The following WNT5B variants were observed in gnomAD, a reference collection of about 807,000 sequenced individuals.
WNT5B encodes Wnt family member 5B, also known as protein Wnt-5b.
WNT5B carries 18 observed loss-of-function variants against 36.5 expected under a neutral mutation model. The observed-to-expected ratio is 0.49, with a 90% CI of 0.34 to 0.73. WNT5B has a LOEUF of 0.73. Ranked by LOEUF, WNT5B falls within the 30% of genes least tolerant of loss-of-function variation. WNT5B has a pLI of 0.01. For missense variants in WNT5B, 424 were observed against 508.4 expected (o/e 0.83, Z 1.60); for synonymous variants, 213 against 212.3 (o/e 1.00, Z -0.03).
upstream of WNT5B, among the ~76,000 whole-genome samples, chr12:1,627,227 C>G (rs2094542513): frequency 6.6e-6 from 1 of 152,174 alleles, no homozygotes; most frequent in African/African-American, 2.4e-5. The surrounding 1 kb of genome is among the most constrained non-coding windows in gnomAD (Gnocchi z 5.0). Context: ...TGCTCAGCAC[C>G]CTTGAAGAGG....
chr12:1,634,670 C>T (rs1376682978), intron 3 of WNT5B, among the ~76,000 whole-genome samples: 1 of 152,178 alleles, frequency 6.6e-6, no homozygotes, highest in African/African-American at 2.4e-5. Flanking sequence ...GCTGTCCTCC[C>T]TTCCTCCCCC....
intron 1 of WNT5B, among the ~76,000 whole-genome samples, chr12:1,617,424 C>A (rs2094528386): frequency 6.6e-6 from 1 of 151,758 alleles, no homozygotes; most frequent in Non-Finnish European, 1.5e-5. Context: ...TGCTTGAGCC[C>A]AGGAGTTCAA....
chr12:1,623,452 C>T (rs1266669275), intron 1 of WNT5B, among the ~76,000 whole-genome samples: 2 of 151,958 alleles, frequency 1.3e-5, no homozygotes. Flanking sequence ...GCCTCGGCCT[C>T]CCAAAGTGCT....
At chr12:1,631,536 C>T in intron 2 of WNT5B, 102 bp downstream of exon 2, 1 of 1,563,708 alleles carries the variant, frequency 6.4e-7, no homozygotes, top group Non-Finnish European at 8.7e-7. Context: ...TACCTTGATT[C>T]CTGGGAGTAC....
At chr12:1,631,126 C>T in intron 1 of WNT5B, 172 bp from the exon 2 acceptor site, 1 of 490,260 alleles carries the variant, frequency 2.0e-6, no homozygotes. Flanking sequence ...GACAGAAGTC[C>T]TAGGGTGGGA....
intron 1 of WNT5B, among the ~76,000 whole-genome samples, chr12:1,619,482 G>A (rs879483039): frequency 1.2e-4 from 18 of 152,166 alleles, no homozygotes; most frequent in Non-Finnish European, 1.5e-4. Flanking sequence ...ATGAGCATCC[G>A]GGGATTCTCG....
chr12:1,619,113 TCCCACCAAGCCCC>T (rs2094530538), intron 1 of WNT5B, among the ~76,000 whole-genome samples: 3 of 70,918 alleles, frequency 4.2e-5, no homozygotes, highest in Non-Finnish European at 8.8e-5. Context: ...CCCCAGCCCC[TCCCACCAAGCCCC>T]CAGCCCCTCC....
intron 1 of WNT5B, among the ~76,000 whole-genome samples, chr12:1,622,563 A>C (rs1170374090): frequency 1.3e-5 from 2 of 152,184 alleles, no homozygotes; most frequent in Non-Finnish European, 2.9e-5. Context: ...CCTCACAGCA[A>C]ATGGACCAAG....
At chr12:1,623,370 T>C (rs981831193) in intron 1 of WNT5B, among the ~76,000 whole-genome samples, 60 of 151,218 alleles carry the variant, frequency 4.0e-4, no homozygotes, top group African/African-American at 1.4e-3. Context: ...TAATTTTTTG[T>C]ATTTTTAGTA....
intron 3 of WNT5B, among the ~76,000 whole-genome samples, chr12:1,636,695 C>T (rs1183375916): frequency 2.7e-5 from 4 of 150,576 alleles, no homozygotes; most frequent in African/African-American, 9.8e-5. Context: ...CACATGCTAC[C>T]ATGCCCAGTT....
rs1227168538 is a variant in WNT5B, at chr12:1,639,620, G to A, written c.329-64G>A. ...CGTGCGGGTCCGTCGGGGGAGACGG[G>A]GGGAAGGACAGGTCCCCGGGAGAGG... is the stretch of plus-strand genomic sequence containing the variant. On this transcript the variant is annotated intron_variant, in intron 3 of 4. Coordinates refer to ENST00000397196, the MANE Select transcript of WNT5B (RefSeq NM_032642.3). The A allele has an allele frequency of 2.8e-6, 4 of 1,428,410 alleles. No homozygotes were observed. The East Asian group carries it at 1.1e-4, about 38-fold the overall frequency. The allele number at this position is 1,428,410 out of a possible 1,614,324, so 88.5% of individuals were successfully genotyped here. A position where few individuals can be genotyped will look rare whatever the true frequency, so the allele number is the denominator to read the frequency against.
rs754605570 is a variant in WNT5B at position 1,639,991 on chromosome 12, C to T, written c.621+15C>T. The stretch of plus-strand genomic sequence containing the variant: ...CCGGTCGCAGGGTAAGCTGGGCCTC[C>T]CCGGCCTCCCCAGCACTGCAGACCT... On this transcript the variant is annotated intron_variant, in intron 4 of 4. Coordinates refer to ENST00000397196, the MANE Select transcript of WNT5B (RefSeq NM_032642.3). The T allele has an allele frequency of 6.2e-6, 10 of 1,601,908 alleles. No homozygotes were observed. The Admixed American group carries it at 1.4e-4, about 22-fold the overall frequency.
Position 1,632,251 on chromosome 12 carries a change from G to T in WNT5B, c.81-407G>T, listed in dbSNP as rs955698582. On this transcript the variant is annotated intron_variant, in intron 2 of 4. Transcript: ENST00000397196. The surrounding 1 kb of genome is among the most constrained non-coding windows in gnomAD (Gnocchi z 5.8). The stretch of plus-strand genomic sequence containing the variant: ...AATGAGGCCTGTGCTCTCCTGTTGA[G>T]GTTTGGCTCTTTTTGCCCTCTATTA... Among the ~76,000 whole-genome samples, 2 of 152,170 alleles carry T rather than the reference G, an allele frequency of 1.3e-5. No homozygotes were observed. The highest frequency in any genetic ancestry group is 4.8e-5 in the African/African-American group (2 of 41,442).
chr12:1,629,773 CCTT>C (rs2094546601), intron 1 of WNT5B: 2 of 150,588 alleles, frequency 1.3e-5, no homozygotes, highest in African/African-American at 2.5e-5. Flanking sequence ...CATTCACAGA[CCTT>C]CTGCCCCGGG....
intron 3 of WNT5B, among the ~76,000 whole-genome samples, chr12:1,638,642 G>C (rs529540186): frequency 3.9e-5 from 6 of 152,204 alleles, no homozygotes; most frequent in African/African-American, 1.4e-4. Flanking sequence ...CAGCAGTAAA[G>C]GGGAACATAG....
At chr12:1,636,542 C>A (rs891749757) in intron 3 of WNT5B, among the ~76,000 whole-genome samples, 32 of 75,086 alleles carry the variant, frequency 4.3e-4, no homozygotes, top group South Asian at 9.7e-4. Flanking sequence ...TATATATATA[C>A]TTTTTTTTTT....
At chr12:1,631,535 T>C in intron 2 of WNT5B, 101 bp downstream of exon 2, 2 of 1,569,492 alleles carry the variant, frequency 1.3e-6, no homozygotes, top group Non-Finnish European at 1.7e-6. Context: ...GTACCTTGAT[T>C]CCTGGGAGTA....
At chr12:1,624,756 A>G (rs1385668267), upstream of WNT5B, among the ~76,000 whole-genome samples, 1 of 152,206 alleles carries the variant, frequency 6.6e-6, no homozygotes, top group African/African-American at 2.4e-5. Context: ...AGAAAAGGTA[A>G]GTTTGAACCT....
chr12:1,626,650 C>T (rs1019967058), upstream of WNT5B, among the ~76,000 whole-genome samples: 17 of 151,942 alleles, frequency 1.1e-4, no homozygotes, highest in Admixed American at 1.3e-4. Flanking sequence ...CTGCACGCTC[C>T]GCCTCCCAGG....
Sources: gnomAD v4.1 joint callset for allele counts (sites outside exome capture counted in the v4.1 genomes callset) on GRCh38, gnomAD v4.1.1 for gene constraint, Gnocchi (gnomAD v3.1) non-coding constraint, MANE v1.5 for transcripts, NCBI Gene and HGNC (gene_info 2026-07-23, HGNC 2026-07-21) for gene names.